SH3D19: variants seen among roughly 807,000 people sequenced by gnomAD.
The protein encoded by SH3D19 is SH3 domain containing 19.
A neutral mutation model predicts 112.1 loss-of-function variants in SH3D19; 58 were observed. That is an observed-to-expected ratio of 0.52 (90% CI 0.42 to 0.64). The LOEUF (loss-of-function observed/expected upper bound fraction) is 0.64. SH3D19 is among the 30% of genes least tolerant of loss of function. The probability of loss-of-function intolerance (pLI) is 0.00; values close to 1 mark genes in which losing one functional copy is unlikely to be tolerated. For missense variants in SH3D19, 1,090 were observed against 1,263.4 expected, an observed-to-expected ratio of 0.86 and a Z score of 2.08; for synonymous variants, 391 against 448.5, an observed-to-expected ratio of 0.87 and a Z score of 1.62.
At chr4:151,277,281 C>A in intron 1 of SH3D19, 3 of 1,357,956 alleles carry the variant, frequency 2.2e-6, no homozygotes, top group Non-Finnish European at 3.0e-6. Flanking sequence ...CTAAAGAGGG[C>A]ATCACATAGA....
chr4:151,207,708 T>C (rs527310262), intron 2 of SH3D19, among the ~76,000 whole-genome samples: 80 of 152,322 alleles, frequency 5.3e-4, no homozygotes, highest in South Asian at 4.1e-3. Flanking sequence ...ATAGCACAAA[T>C]GTATAAGAGC....
chr4:151,144,063 A>G lies in SH3D19; in HGVS notation c.2083-13T>C, dbSNP rs1405049665. The stretch of plus-strand genomic sequence containing the variant: ...GTACATCCCCACGCTGCAAGGTACA[A>G]TACCACTCTCTGAAGCAATTATTAT... On this transcript the variant is annotated splice_polypyrimidine_tract_variant and intron_variant, in intron 11 of 19. Coordinates refer to ENST00000604030, the MANE Select transcript of SH3D19 (RefSeq NM_001378122.1). 2 of 1,604,792 alleles carry G rather than the reference A, an allele frequency of 1.2e-6. No individual in the cohort carries two copies. Among genetic ancestry groups the G allele is most frequent in the African/African-American group, 1.3e-5 (1 of 74,430 alleles).
intron 1 of SH3D19, among the ~76,000 whole-genome samples, chr4:151,288,080 C>A (rs997046987): frequency 6.6e-6 from 1 of 151,214 alleles, no homozygotes. Context: ...CAACGCTTCA[C>A]GTTAAAAAAA....
intron 1 of SH3D19, among the ~76,000 whole-genome samples, chr4:151,321,419 G>C (rs1294215004): frequency 1.3e-5 from 2 of 152,094 alleles, no homozygotes; most frequent in African/African-American, 4.8e-5. Flanking sequence ...TGCAGATAGA[G>C]ATGAAGAATA....
rs567691860 is a variant in SH3D19, at chr4:151,289,836, TCAGAAGGCTGTGG to T, written c.112+35392_112+35404del. 2.8e-4 allele frequency among the ~76,000 whole-genome samples: 42 copies of T among 152,252 alleles called. 1 individual carries two copies. The highest frequency in any genetic ancestry group is 2.6e-3 in the Admixed American group (40 of 15,282). On this transcript the variant is annotated intron_variant, in intron 1 of 19. Transcript: ENST00000604030. ...GGCTTCCACCTGTAATCTCAACTAC[TCAGAAGGCTGTGG>T]CAGAAGGATCGCTTCAGCCCAAGAG...
intron 3 of SH3D19, among the ~76,000 whole-genome samples, chr4:151,182,782 T>C (rs1761151807): frequency 6.6e-6 from 1 of 152,212 alleles, no homozygotes; most frequent in Non-Finnish European, 1.5e-5. Flanking sequence ...TGCTTATACA[T>C]TTCATTCTCA....
intron 11 of SH3D19, among the ~76,000 whole-genome samples, chr4:151,145,657 A>T (rs1753799699): frequency 6.6e-6 from 1 of 152,202 alleles, no homozygotes; most frequent in Non-Finnish European, 1.5e-5. Context: ...CTCTTCACAC[A>T]GACGTGCGTG....
chr4:151,256,728 C>G (rs971855992), intron 1 of SH3D19, among the ~76,000 whole-genome samples: 1 of 136,560 alleles, frequency 7.3e-6, no homozygotes, highest in African/African-American at 2.7e-5. Flanking sequence ...CTCTAGAAAG[C>G]TTCAAGTTAA....
intron 14 of SH3D19, among the ~76,000 whole-genome samples, chr4:151,135,986 A>AAAAAC (rs529509279): frequency 0.11 from 16,165 of 148,814 alleles, 876 homozygotes; most frequent in East Asian, 0.14. Flanking sequence ...AGACTGTCTC[A>AAAAAC]AAAACAAAAC....
At chr4:151,187,337 G>T in intron 3 of SH3D19, 86 bp downstream of exon 3, 1 of 835,608 alleles carries the variant, frequency 1.2e-6, no homozygotes, top group Non-Finnish European at 1.6e-6. Flanking sequence ...TTGTAGATTC[G>T]TCAAATACAA....
At chr4:151,184,499 C>T (rs2149844001) in intron 3 of SH3D19, among the ~76,000 whole-genome samples, 1 of 152,194 alleles carries the variant, frequency 6.6e-6, no homozygotes, top group East Asian at 1.9e-4. Flanking sequence ...AAGCGACTGA[C>T]AGAAGAATTA....
At chr4:151,269,405 T>C (rs1211819631) in intron 1 of SH3D19, among the ~76,000 whole-genome samples, 5 of 152,190 alleles carry the variant, frequency 3.3e-5, no homozygotes, top group Non-Finnish European at 5.9e-5. Flanking sequence ...CTGTTCACTC[T>C]GATGGTAGTT....
chr4:151,180,693 A>G (rs1760763513), intron 3 of SH3D19, among the ~76,000 whole-genome samples: 1 of 151,166 alleles, frequency 6.6e-6, no homozygotes, highest in South Asian at 2.1e-4. Context: ...GGTGTGAGCC[A>G]CTGCGCCCGA....
intron 8 of SH3D19, among the ~76,000 whole-genome samples, chr4:151,162,488 C>T (rs1246913740): frequency 6.6e-6 from 1 of 151,980 alleles, no homozygotes; most frequent in African/African-American, 2.4e-5. Flanking sequence ...CTCAGCATAT[C>T]CTTTTCAGGA....
chr4:151,174,838 C>T lies in SH3D19; in HGVS notation c.1366G>A (p.Ala456Thr), dbSNP rs1759673923. Residue 456 changes from alanine to threonine, a missense_variant, in exon 7 of 20, where the codon GCC becomes ACC. Physicochemically the swap from Ala to Thr is moderately conservative, Grantham distance 58. Coordinates refer to ENST00000604030, the MANE Select transcript of SH3D19 (RefSeq NM_001378122.1). ...VPPRLAGASQAKAYKSLGEGP... is the reference protein window; with the variant it reads ...VPPRLAGASQTKAYKSLGEGP... Reference sequence around the variant, plus strand: ...TCTCCCAGTGACTTGTATGCTTTGGCTTGTGATGCCCCTGCGAGTCGGGGA... The same window carrying T: ...TCTCCCAGTGACTTGTATGCTTTGGTTTGTGATGCCCCTGCGAGTCGGGGA... 6.3e-7 allele frequency: 1 copy of T among 1,586,826 alleles called. No individual in the cohort carries two copies.
At chr4:151,285,171 T>C (rs572347827) in intron 1 of SH3D19, among the ~76,000 whole-genome samples, 1 of 152,196 alleles carries the variant, frequency 6.6e-6, no homozygotes, top group Non-Finnish European at 1.5e-5. Flanking sequence ...CACTCTCCAC[T>C]GCCTTCAGAG....
Position 151,175,688 on chromosome 4 carries a change from A to G in SH3D19, c.530-14T>C. On this transcript the variant is annotated splice_polypyrimidine_tract_variant and intron_variant, in intron 6 of 19. Transcript: ENST00000604030. ...GTGCCTGTAGTGCTGACGAGACCAAAACAAAACCAAAACAAATAAAAACAA... is the reference window on the plus strand; with the variant it reads ...GTGCCTGTAGTGCTGACGAGACCAAGACAAAACCAAAACAAATAAAAACAA... The G allele has an allele frequency of 4.0e-6, 5 of 1,241,648 alleles. No homozygotes were observed. The highest frequency in any genetic ancestry group is 5.0e-6 in the Non-Finnish European group (5 of 993,872). 76.9% of individuals were successfully genotyped at this position (1,241,648 alleles called of 1,614,324 possible).
chr4:151,220,734 T>C (rs946333724), intron 2 of SH3D19, among the ~76,000 whole-genome samples: 2 of 152,246 alleles, frequency 1.3e-5, no homozygotes, highest in Non-Finnish European at 2.9e-5. Context: ...GTGTGTAGTA[T>C]AGCTCTCACT....
intron 2 of SH3D19, among the ~76,000 whole-genome samples, chr4:151,220,606 G>T (rs988844462): frequency 6.6e-5 from 10 of 152,096 alleles, no homozygotes; most frequent in Admixed American, 2.6e-4. Flanking sequence ...ATTATCTTTA[G>T]CTCCTACTTC....
Sources: gnomAD v4.1 joint callset for allele counts (sites outside exome capture counted in the v4.1 genomes callset) on GRCh38, gnomAD v4.1.1 for gene constraint, MANE v1.5 for transcripts, NCBI Gene and HGNC (gene_info 2026-07-23, HGNC 2026-07-21) for gene names.